KIF6: variants seen among roughly 807,000 people sequenced by gnomAD.
KIF6 encodes kinesin-like protein KIF6.
Under a neutral mutation model 112.7 loss-of-function variants are expected in KIF6, and 106 were observed. The observed-to-expected ratio is 0.94, with a 90% CI of 0.80 to 1.11. The LOEUF (loss-of-function observed/expected upper bound fraction) is 1.11, where lower values mean the gene tolerates loss of function less well. Ranked by LOEUF, KIF6 falls within the 50% of genes least tolerant of loss-of-function variation. The pLI is 0.00. For missense variants in KIF6, 929 were observed against 964.0 expected, an observed-to-expected ratio of 0.96 and a Z score of 0.48; for synonymous variants, 339 against 339.9, an observed-to-expected ratio of 1.00 and a Z score of 0.03.
In KIF6 at chr6:39,342,829, C is replaced by A; in HGVS notation, c.2428+880G>T. 1.0e-6 allele frequency: 1 copy of A among 985,346 alleles called. No homozygotes were observed. Among genetic ancestry groups the A allele is most frequent in the Non-Finnish European group, 1.2e-6 (1 of 829,918 alleles). 61.0% of individuals were successfully genotyped at this position (985,346 alleles called of 1,614,324 possible). ...TCTCAGTTGCGGCGCTCCATCCATGCACAAACCTCTTCCTGCCCAAACTGC... is the reference window on the plus strand; with the variant it reads ...TCTCAGTTGCGGCGCTCCATCCATGAACAAACCTCTTCCTGCCCAAACTGC... On this transcript the variant is annotated intron_variant, in intron 22 of 22. Transcript: ENST00000287152. The surrounding 1 kb of genome is among the most constrained non-coding windows in gnomAD (Gnocchi z 4.7).
intron 5 of KIF6, among the ~76,000 whole-genome samples, chr6:39,613,679 T>C (rs1053810746): frequency 6.6e-6 from 1 of 152,220 alleles, no homozygotes. Context: ...TGTGTCATGA[T>C]TCAGTTTCTT....
At chr6:39,500,906 C>T (rs1373968030) in intron 13 of KIF6, among the ~76,000 whole-genome samples, 1 of 151,968 alleles carries the variant, frequency 6.6e-6, no homozygotes, top group Non-Finnish European at 1.5e-5. Context: ...GACAGAAATC[C>T]TTTGGGGAGA....
At chr6:39,574,739 C>A (rs983543488) in intron 10 of KIF6, among the ~76,000 whole-genome samples, 2 of 152,174 alleles carry the variant, frequency 1.3e-5, no homozygotes, top group African/African-American at 4.8e-5. Context: ...GGCTCCTCTG[C>A]ATCATCTCTA....
intron 3 of KIF6, among the ~76,000 whole-genome samples, chr6:39,646,298 A>G (rs1785169395): frequency 6.6e-6 from 1 of 152,090 alleles, no homozygotes. Context: ...TAGTCCCTCA[A>G]AGAGACAGCA....
chr6:39,452,336 G>T (rs928407161), intron 13 of KIF6, among the ~76,000 whole-genome samples: 1 of 152,194 alleles, frequency 6.6e-6, no homozygotes, highest in Non-Finnish European at 1.5e-5. Context: ...GTTCACTGGC[G>T]GATGCTCCAG....
chr6:39,586,514 G>A, intron 7 of KIF6, 110 bp from the exon 8 acceptor site: 1 of 801,958 alleles, frequency 1.2e-6, no homozygotes, highest in Non-Finnish European at 2.1e-6. Flanking sequence ...ATAACTAAAT[G>A]CACGGTGAAG....
At chr6:39,702,321 C>T (rs1788920736) in intron 3 of KIF6, among the ~76,000 whole-genome samples, 1 of 152,128 alleles carries the variant, frequency 6.6e-6, no homozygotes. Flanking sequence ...TGCTTCTAGC[C>T]CCTAGATTGA....
intron 16 of KIF6, among the ~76,000 whole-genome samples, chr6:39,381,266 C>G (rs991406571): frequency 6.6e-6 from 1 of 152,124 alleles, no homozygotes; most frequent in African/African-American, 2.4e-5. Flanking sequence ...CCCACACTTT[C>G]ATGAAACCAT....
chr6:39,666,269 A>G (rs1210168115), intron 3 of KIF6, among the ~76,000 whole-genome samples: 1 of 152,160 alleles, frequency 6.6e-6, no homozygotes, highest in Non-Finnish European at 1.5e-5. Flanking sequence ...GTTGAAATCT[A>G]TTTTCTTCTG....
intron 6 of KIF6, among the ~76,000 whole-genome samples, chr6:39,610,157 G>C (rs1042600987): frequency 1.3e-5 from 2 of 152,168 alleles, no homozygotes; most frequent in Non-Finnish European, 2.9e-5. Flanking sequence ...ACTTGCGACT[G>C]GTGGACTTGG....
chr6:39,400,669 G>A (rs555733322), intron 15 of KIF6, among the ~76,000 whole-genome samples: 73 of 152,316 alleles, frequency 4.8e-4, no homozygotes, highest in African/African-American at 1.7e-3. Flanking sequence ...TTGTGGGGGA[G>A]AAGCTTCTGA....
intron 13 of KIF6, among the ~76,000 whole-genome samples, chr6:39,456,642 C>T (rs1773131939): frequency 8.4e-6 from 1 of 119,066 alleles, no homozygotes; most frequent in Non-Finnish European, 1.7e-5. Context: ...CGTGCAGAGA[C>T]ACACATAGGC....
intron 7 of KIF6, among the ~76,000 whole-genome samples, chr6:39,593,979 A>G (rs918214074): frequency 1.3e-5 from 2 of 152,176 alleles, no homozygotes; most frequent in Admixed American, 6.5e-5. Flanking sequence ...TGGGGAAAGG[A>G]CTGTTTCTAT....
chr6:39,723,106 A>G (rs1790321797), intron 1 of KIF6, among the ~76,000 whole-genome samples: 1 of 152,214 alleles, frequency 6.6e-6, no homozygotes, highest in Non-Finnish European at 1.5e-5. Flanking sequence ...TGTTACATAC[A>G]ATACACTTTT....
chr6:39,458,192 C>T (rs911411467), intron 13 of KIF6, among the ~76,000 whole-genome samples: 2 of 147,348 alleles, frequency 1.4e-5, no homozygotes, highest in Non-Finnish European at 3.0e-5. Flanking sequence ...TGGGCTTCAT[C>T]CCTGGGATGC....
chr6:39,524,790 C>T (rs1369864223), intron 13 of KIF6, among the ~76,000 whole-genome samples: 1 of 152,236 alleles, frequency 6.6e-6, no homozygotes, highest in Non-Finnish European at 1.5e-5. Flanking sequence ...CTCCTGTCCT[C>T]TCACTTCCAC....
chr6:39,679,300 G>T (rs1448005628), intron 3 of KIF6, among the ~76,000 whole-genome samples: 3 of 152,148 alleles, frequency 2.0e-5, no homozygotes, highest in Admixed American at 2.0e-4. Context: ...CAGTTAATCT[G>T]CTTACATCAT....
chr6:39,717,651 T>C (rs1789939999), intron 2 of KIF6, among the ~76,000 whole-genome samples: 1 of 152,162 alleles, frequency 6.6e-6, no homozygotes, highest in South Asian at 2.1e-4. Context: ...CACTAAAATG[T>C]AAGCTCCCTA....
At chr6:39,717,271 C>A (rs180710237) in intron 2 of KIF6, among the ~76,000 whole-genome samples, 88 of 152,164 alleles carry the variant, frequency 5.8e-4, no homozygotes, top group Middle Eastern at 3.4e-3. Context: ...TTACTCTACT[C>A]CTCATGCTTA....
Sources: gnomAD v4.1 joint callset for allele counts (sites outside exome capture counted in the v4.1 genomes callset) on GRCh38, gnomAD v4.1.1 for gene constraint, Gnocchi (gnomAD v3.1) non-coding constraint, MANE v1.5 for transcripts, NCBI Gene and HGNC (gene_info 2026-07-23, HGNC 2026-07-21) for gene names.